ABCA1: variants seen among roughly 807,000 people sequenced by gnomAD.
The protein encoded by ABCA1 is phospholipid-transporting ATPase ABCA1.
Under a neutral mutation model 262.5 loss-of-function variants are expected in ABCA1, and 133 were observed. That is an observed-to-expected ratio of 0.51 (90% confidence interval 0.44 to 0.59). The LOEUF is 0.59. Among genes scored for constraint, ABCA1 ranks in the 20% least tolerant of loss-of-function variants. ABCA1 has a pLI of 0.00. For missense variants in ABCA1, 2,452 were observed against 2,777.5 expected (o/e 0.88, Z 2.63); for synonymous variants, 1,022 against 1,043.5 (o/e 0.98, Z 0.40).
chr9:104,898,108 T>C (rs925645190), intron 2 of ABCA1, among the ~76,000 whole-genome samples: 3 of 152,182 alleles, frequency 2.0e-5, no homozygotes, highest in African/African-American at 7.2e-5. Context: ...TAATGTTAAA[T>C]GAAAGAAGAA....
At chr9:104,853,359 C>G (rs895387705) in intron 7 of ABCA1, among the ~76,000 whole-genome samples, 4 of 152,168 alleles carry the variant, frequency 2.6e-5, no homozygotes, top group African/African-American at 9.7e-5. Context: ...CCCCACATTC[C>G]TCCCACTACA....
chr9:104,865,577 A>G (rs13284961), intron 5 of ABCA1, among the ~76,000 whole-genome samples: 1 of 152,144 alleles, frequency 6.6e-6, no homozygotes, highest in African/African-American at 2.4e-5. Flanking sequence ...AGTCTGAGAA[A>G]CAATGATGTG....
At chr9:104,909,654 A>ACG (rs770801372) in intron 1 of ABCA1, among the ~76,000 whole-genome samples, 8,993 of 146,530 alleles carry the variant, frequency 0.061, 502 homozygotes, top group African/African-American at 0.099. Context: ...ACACACACAC[A>ACG]TTCACAGGAA....
In ABCA1 at chr9:104,830,782, C is replaced by T. The variant is rs907242511; in HGVS notation, c.1892+143G>A. The stretch of plus-strand genomic sequence containing the variant: ...TGTGTGCACATATATCTATGTCTGT[C>T]ATGTGGCTGCAACTGTTGACAACTT... On this transcript the variant is annotated intron_variant, in intron 14 of 49. Transcript: ENST00000374736. The T allele has an allele frequency of 7.9e-6, 7 of 885,488 alleles. No homozygotes were observed. In the African/African-American group the frequency reaches 1.2e-4, roughly 15 times the overall value. 54.9% of individuals were successfully genotyped at this position (885,488 alleles called of 1,614,324 possible). A position where few individuals can be genotyped will look rare whatever the true frequency, so the allele number is the denominator to read the frequency against.
chr9:104,918,672 C>G (rs73664378), intron 1 of ABCA1, among the ~76,000 whole-genome samples: 1 of 152,070 alleles, frequency 6.6e-6, no homozygotes, highest in African/African-American at 2.4e-5. Context: ...TACCAGACAA[C>G]AGCCTAACCC....
At chr9:104,814,863 C>T (rs933348401) in intron 25 of ABCA1, among the ~76,000 whole-genome samples, 7 of 152,154 alleles carry the variant, frequency 4.6e-5, no homozygotes, top group Non-Finnish European at 4.4e-5. Flanking sequence ...GGCGTGGTAG[C>T]ACATGCTTGT....
intron 7 of ABCA1, among the ~76,000 whole-genome samples, chr9:104,853,776 C>G (rs954651425): frequency 6.6e-6 from 1 of 152,118 alleles, no homozygotes; most frequent in Admixed American, 6.5e-5. Flanking sequence ...CAAGAAAAAG[C>G]AGAGAGCTGC....
At chr9:104,794,541 G>T (rs1265135659) in intron 39 of ABCA1, 31 bp from the exon 40 acceptor site, 31 of 1,573,348 alleles carry the variant, frequency 2.0e-5, no homozygotes, top group Non-Finnish European at 2.5e-5. Flanking sequence ...TGGGAGGGAA[G>T]GGAGGGTGAG....
chr9:104,821,609 C>T lies in ABCA1; in HGVS notation c.2829-103G>A, dbSNP rs960735270. The T allele has an allele frequency of 2.0e-5, 27 of 1,351,816 alleles. 1 individual carries two copies. Among genetic ancestry groups the T allele is most frequent in the South Asian group, 1.2e-4 (10 of 80,654 alleles). The allele number at this position is 1,351,816 out of a possible 1,614,324, so 83.7% of individuals were successfully genotyped here. A position where few individuals can be genotyped will look rare whatever the true frequency, so the allele number is the denominator to read the frequency against. On this transcript the variant is annotated intron_variant, in intron 19 of 49. Coordinates refer to ENST00000374736, the MANE Select transcript of ABCA1 (RefSeq NM_005502.4). ...GAGAACAGAACACCAACCCTCCCACCGCCCCCATTCCTTTCTAATGAACCC... is the reference window on the plus strand; with the variant it reads ...GAGAACAGAACACCAACCCTCCCACTGCCCCCATTCCTTTCTAATGAACCC...
At position 104,818,757 on chromosome 9, in the gene ABCA1, C is replaced by G; in HGVS notation, c.3368G>C (p.Gly1123Ala). 1 of 1,613,908 alleles carries G rather than the reference C, an allele frequency of 6.2e-7. No homozygotes were observed. The highest frequency in any genetic ancestry group is 1.1e-5 in the South Asian group (1 of 91,062). Reference sequence around the variant, plus strand: ...GACCAAGGTCAGGTAGTAGCCTGTTCCCAGCTGGTTCTTCAGAAACAGGGA... The same window carrying G: ...GACCAAGGTCAGGTAGTAGCCTGTTGCCAGCTGGTTCTTCAGAAACAGGGA... ...GSSLFLKNQL[G>A]TGYYLTLVKK... Residue 1123 changes from glycine (G) to alanine (A), a missense_variant, in exon 23 of 50, where the codon GGA (glycine) becomes GCA (alanine). By Grantham distance (60) the Gly-to-Ala change is moderately conservative. Around this residue, in one of 4 missense-constraint regions of ABCA1, gnomAD observed 665 missense variants for 727.3 expected, o/e 0.91. Coordinates refer to ENST00000374736, the MANE Select transcript of ABCA1 (RefSeq NM_005502.4).
chr9:104,801,109 G>T (rs940562036), intron 34 of ABCA1, among the ~76,000 whole-genome samples: 58 of 61,126 alleles, frequency 9.5e-4, no homozygotes, highest in Admixed American at 2.2e-4. Context: ...AGACCAGCTT[G>T]CCAGCTTAAA....
chr9:104,855,712 A>G (rs1186610926), intron 7 of ABCA1: 1 of 1,540,002 alleles, frequency 6.5e-7, no homozygotes, highest in Non-Finnish European at 8.8e-7. Context: ...CAGGGACTAA[A>G]TAATTTATCC....
rs1442426303 is a variant in ABCA1 at position 104,928,016 on chromosome 9, G to C, written c.-174C>G. On this transcript the variant is annotated 5_prime_UTR_variant, in exon 1 of 50. Transcript: ENST00000374736. ...GAGAAGGGGAGAAAACAGAACCGGG[G>C]AAAAAACAAGGAGCAAAGCGCCCTG... 6.6e-6 allele frequency: 1 copy of C among 152,182 alleles called. No homozygotes were observed. Among genetic ancestry groups the C allele is most frequent in the African/African-American group, 2.4e-5 (1 of 41,450 alleles). The allele number at this position is 152,182 out of a possible 1,614,324, so 9.4% of individuals were successfully genotyped here.
intron 30 of ABCA1, among the ~76,000 whole-genome samples, chr9:104,807,761 C>T (rs141747040): frequency 1.8e-3 from 274 of 150,360 alleles, no homozygotes; most frequent in African/African-American, 6.3e-3. Context: ...GGCAGTGAGC[C>T]AAGATTGAGC....
At chr9:104,865,409 G>A (rs921520878) in intron 5 of ABCA1, among the ~76,000 whole-genome samples, 10 of 151,744 alleles carry the variant, frequency 6.6e-5, no homozygotes, top group Admixed American at 3.9e-4. Flanking sequence ...CCAGCTACTT[G>A]GGAGGCTGAA....
At chr9:104,875,431 A>T (rs888758276) in intron 5 of ABCA1, among the ~76,000 whole-genome samples, 3 of 151,328 alleles carry the variant, frequency 2.0e-5, no homozygotes, top group African/African-American at 7.3e-5. Context: ...TGAGCCACTG[A>T]CTCCACACAA....
At chr9:104,812,871 C>T in intron 27 of ABCA1, 149 bp from the exon 28 acceptor site, 1 of 1,017,374 alleles carries the variant, frequency 9.8e-7, no homozygotes, top group Middle Eastern at 2.1e-4. Flanking sequence ...CATGACAAAG[C>T]TATGTCCAAG....
At chr9:104,889,667 T>A (rs1403434781) in intron 2 of ABCA1, among the ~76,000 whole-genome samples, 1 of 152,160 alleles carries the variant, frequency 6.6e-6, no homozygotes, top group African/African-American at 2.4e-5. Context: ...CTTAGCATAG[T>A]GCCAGGTATG....
intron 1 of ABCA1, among the ~76,000 whole-genome samples, chr9:104,917,476 C>T (rs542791689): frequency 2.6e-4 from 40 of 152,190 alleles, no homozygotes; most frequent in African/African-American, 7.5e-4. Flanking sequence ...AGTAAGCGGC[C>T]GGGTGCGGCG....
Sources: allele counts gnomAD v4.1 joint callset (sites outside exome capture counted in the v4.1 genomes callset), GRCh38; gene constraint gnomAD v4.1.1; regional missense constraint gnomAD v4.1.1; transcripts MANE v1.5; gene names NCBI Gene and HGNC (gene_info 2026-07-23, HGNC 2026-07-21).